The following CCDC138 variants were observed in gnomAD, a reference collection of about 807,000 sequenced individuals.
CCDC138 encodes coiled-coil domain containing 138, also known as coiled-coil domain-containing protein 138.
A neutral mutation model predicts 82.3 loss-of-function variants in CCDC138; 66 were observed. That is an observed-to-expected ratio of 0.80 (90% CI 0.66 to 0.98). CCDC138 has a LOEUF of 0.98. Among genes scored for constraint, CCDC138 ranks in the 50% least tolerant of loss-of-function variants. CCDC138 has a pLI of 0.00. For synonymous variants in CCDC138, 297 were observed against 265.4 expected, an observed-to-expected ratio of 1.12 and a Z score of -1.16; for missense variants, 816 against 758.9, an observed-to-expected ratio of 1.08 and a Z score of -0.88.
At chr2:108,884,556 G>C (rs1696376864) in intron 2 of CCDC138, 1 of 152,206 alleles carries the variant, frequency 6.6e-6, no homozygotes, top group Non-Finnish European at 1.5e-5. Flanking sequence ...GTTTTTGCTT[G>C]TTTCTTTGTG....
chr2:108,853,661 G>A (rs1691916422), intron 12 of CCDC138, among the ~76,000 whole-genome samples: 1 of 149,484 alleles, frequency 6.7e-6, no homozygotes, highest in Admixed American at 6.8e-5. Context: ...CAAGTAGCTG[G>A]GACTACAGGC....
chr2:108,845,958 AT>A (rs891866419), intron 11 of CCDC138, among the ~76,000 whole-genome samples: 10 of 150,916 alleles, frequency 6.6e-5, no homozygotes, highest in South Asian at 2.1e-4. Flanking sequence ...TATTTTGCCC[AT>A]TTTTTTTTGT....
chr2:108,825,128 C>T (rs941212387), intron 10 of CCDC138, among the ~76,000 whole-genome samples: 3 of 152,060 alleles, frequency 2.0e-5, no homozygotes, highest in African/African-American at 7.2e-5. Context: ...GTTAACTGAC[C>T]TAGACTCTTC....
chr2:108,855,323 A>G (rs1574247860), intron 12 of CCDC138, among the ~76,000 whole-genome samples: 1 of 152,288 alleles, frequency 6.6e-6, no homozygotes, highest in South Asian at 2.1e-4. Context: ...TAGTCAGCCT[A>G]TTTTTAAAAA....
At chr2:108,790,236 G>A (rs529401020) in intron 3 of CCDC138, among the ~76,000 whole-genome samples, 1 of 152,220 alleles carries the variant, frequency 6.6e-6, no homozygotes, top group African/African-American at 2.4e-5. Flanking sequence ...TGAATGTAGG[G>A]TAAGGAAAGT....
intron 11 of CCDC138, among the ~76,000 whole-genome samples, chr2:108,845,469 A>G (rs1018502609): frequency 6.6e-6 from 1 of 152,104 alleles, no homozygotes; most frequent in Non-Finnish European, 1.5e-5. Flanking sequence ...CAGTCACATG[A>G]GATTGGAGAA....
chr2:108,880,296 A>G (rs1019733934), downstream of CCDC138, among the ~76,000 whole-genome samples: 3 of 152,128 alleles, frequency 2.0e-5, no homozygotes, highest in Non-Finnish European at 4.4e-5. Context: ...TGTAGATTCC[A>G]TGTTCATAGA....
intron 5 of CCDC138, among the ~76,000 whole-genome samples, chr2:108,795,997 A>G (rs1476893628): frequency 2.6e-5 from 4 of 152,228 alleles, no homozygotes; most frequent in African/African-American, 9.6e-5. Flanking sequence ...TAATAAGAAA[A>G]AAATGAAGTG....
At chr2:108,809,995 G>A (rs1259368217) in intron 7 of CCDC138, among the ~76,000 whole-genome samples, 3 of 152,096 alleles carry the variant, frequency 2.0e-5, no homozygotes, top group Non-Finnish European at 2.9e-5. Flanking sequence ...TAGTAGAGAC[G>A]GGGTTTTGCT....
intron 10 of CCDC138, among the ~76,000 whole-genome samples, chr2:108,824,974 G>GT (rs1290755688): frequency 6.6e-6 from 1 of 152,160 alleles, no homozygotes; most frequent in East Asian, 1.9e-4. Flanking sequence ...AAATTGAGTT[G>GT]TTTCAGAGGG....
intron 13 of CCDC138, among the ~76,000 whole-genome samples, chr2:108,862,936 T>G (rs11123715): frequency 7.1e-6 from 1 of 141,036 alleles, no homozygotes; most frequent in Non-Finnish European, 1.5e-5. Context: ...AAATTCTGTG[T>G]TTCAATTTGG....
chr2:108,828,686 A>G (rs1232484754), intron 10 of CCDC138, among the ~76,000 whole-genome samples: 2 of 152,324 alleles, frequency 1.3e-5, no homozygotes, highest in East Asian at 3.9e-4. Flanking sequence ...ACGATATGTA[A>G]AATTTAACTC....
chr2:108,826,534 C>T (rs1021450483), intron 10 of CCDC138, among the ~76,000 whole-genome samples: 4 of 152,194 alleles, frequency 2.6e-5, no homozygotes, highest in South Asian at 2.1e-4. Flanking sequence ...TGAATTGTTT[C>T]GGTACCATGT....
intron 13 of CCDC138, among the ~76,000 whole-genome samples, chr2:108,870,195 C>A (rs545087797): frequency 6.1e-4 from 93 of 152,224 alleles, no homozygotes; most frequent in African/African-American, 2.1e-3. Flanking sequence ...AATTCTGGAA[C>A]TGGAAAATAC....
At chr2:108,813,119 C>T (rs902919937) in intron 9 of CCDC138, among the ~76,000 whole-genome samples, 192 bp downstream of exon 9, 4 of 151,834 alleles carry the variant, frequency 2.6e-5, no homozygotes, top group African/African-American at 9.7e-5. Context: ...CATGGTGGCA[C>T]ACGCCTGTAG....
At chr2:108,787,965 G>A (rs1679186963) in intron 1 of CCDC138, 67 bp from the exon 2 acceptor site, 2 of 1,267,840 alleles carry the variant, frequency 1.6e-6, no homozygotes, top group South Asian at 1.4e-5. Context: ...ATAATTTGTG[G>A]GGAAATATTT....
intron 7 of CCDC138, among the ~76,000 whole-genome samples, chr2:108,810,658 A>G (rs1683634714): frequency 6.6e-6 from 1 of 152,160 alleles, no homozygotes; most frequent in Non-Finnish European, 1.5e-5. Context: ...GTATCATGGT[A>G]GTGCTGGCTT....
chr2:108,870,229 T>C (rs1455455944), intron 13 of CCDC138, among the ~76,000 whole-genome samples: 1 of 152,192 alleles, frequency 6.6e-6, no homozygotes, highest in Admixed American at 6.5e-5. Context: ...AAAAATTTAC[T>C]AGAAGAGTTC....
At chr2:108,836,092 G>A (rs1280721419) in intron 10 of CCDC138, among the ~76,000 whole-genome samples, 2 of 152,074 alleles carry the variant, frequency 1.3e-5, no homozygotes, top group African/African-American at 2.4e-5. Context: ...GATGTTTTGG[G>A]CATTAAGTTT....
Sources: gnomAD v4.1 joint callset for allele counts (sites outside exome capture counted in the v4.1 genomes callset) on GRCh38, gnomAD v4.1.1 for gene constraint, MANE v1.5 for transcripts, NCBI Gene and HGNC (gene_info 2026-07-23, HGNC 2026-07-21) for gene names.